BLM: variants seen among roughly 807,000 people sequenced by gnomAD.
BLM encodes the protein recQ-like DNA helicase BLM.
A neutral mutation model predicts 135.3 loss-of-function variants in BLM; 95 were observed. That is an observed-to-expected ratio of 0.70 (90% CI 0.59 to 0.83). The LOEUF (loss-of-function observed/expected upper bound fraction) is 0.83, where lower values mean the gene tolerates loss of function less well. BLM is among the 40% of genes least tolerant of loss of function. The pLI is 0.00. For synonymous variants in BLM, 520 were observed against 589.2 expected (o/e 0.88, Z 1.70); for missense variants, 1,518 against 1,663.9 (o/e 0.91, Z 1.53).
chr15:90,746,175 T>C (rs6496722), intron 1 of BLM, among the ~76,000 whole-genome samples: 44,858 of 152,106 alleles, frequency 0.29, 8,188 homozygotes, highest in African/African-American at 0.52. Context: ...ACTTCCAAAA[T>C]GGTGGAGTAA....
intron 1 of BLM, among the ~76,000 whole-genome samples, chr15:90,737,727 T>C (rs1335593076): frequency 6.6e-6 from 1 of 151,620 alleles, no homozygotes; most frequent in Non-Finnish European, 1.5e-5. Context: ...AAAAGAAAGA[T>C]CTGAAATCAA....
At chr15:90,746,951 G>A (rs1895516779) in intron 1 of BLM, among the ~76,000 whole-genome samples, 2 of 152,056 alleles carry the variant, frequency 1.3e-5, no homozygotes, top group South Asian at 4.1e-4. Flanking sequence ...TTCTGCCCTT[G>A]TGCAGAATTC....
rs76568525 is a variant in BLM, at chr15:90,786,352, G to A, written c.2823+1271G>A. On this transcript the variant is annotated intron_variant, in intron 14 of 21. Transcript: ENST00000355112. ...AGCATTCACGTACAAGTTTTTCCACGGACATATGTTTTCAGTTCTCTTGGG... is the reference window on the plus strand; with the variant it reads ...AGCATTCACGTACAAGTTTTTCCACAGACATATGTTTTCAGTTCTCTTGGG... 4.8e-3 allele frequency among the ~76,000 whole-genome samples: 730 copies of A among 152,092 alleles called. 7 individuals carry two copies. Among genetic ancestry groups the A allele is most frequent in the African/African-American group, 0.017 (686 of 41,486 alleles).
chr15:90,811,441 C>G (rs1416910011), intron 21 of BLM, 35 bp downstream of exon 21: 1 of 1,604,794 alleles, frequency 6.2e-7, no homozygotes, highest in Non-Finnish European at 8.5e-7. Context: ...ATATAGGGAA[C>G]AAGGGAAGAA....
At chr15:90,783,553 T>C (rs1382857506) in intron 13 of BLM, among the ~76,000 whole-genome samples, 1 of 152,154 alleles carries the variant, frequency 6.6e-6, no homozygotes, top group African/African-American at 2.4e-5. Flanking sequence ...TCTTTTAATT[T>C]CCATTTCTAA....
chr15:90,813,149 C>T (rs1351529269), intron 21 of BLM, among the ~76,000 whole-genome samples: 9 of 152,226 alleles, frequency 5.9e-5, no homozygotes, highest in Admixed American at 5.2e-4. Context: ...AGCACGTTCA[C>T]TTCTGCATGT....
rs773191013 is a variant in BLM, at chr15:90,760,050, C to G, written c.1088-97C>G. On this transcript the variant is annotated intron_variant, in intron 5 of 21. Transcript: ENST00000355112. ...AGCAATCCTCCTGCCTTGGCCTCCC[C>G]AAAGGGCTGGGATTACAGTCATGAG... 3.1e-6 allele frequency: 4 copies of G among 1,288,132 alleles called. No individual in the cohort carries two copies. In the African/African-American group the frequency reaches 4.5e-5, roughly 14 times the overall value. The allele number at this position is 1,288,132 out of a possible 1,614,324, so 79.8% of individuals were successfully genotyped here.
Position 90,815,010 on chromosome 15 carries a change from A to T in BLM, c.4077-92A>T. 1 of 1,300,998 alleles carries T rather than the reference A, an allele frequency of 7.7e-7. No individual in the cohort carries two copies. Among genetic ancestry groups the T allele is most frequent in the South Asian group, 1.2e-5 (1 of 82,658 alleles). 80.6% of individuals were successfully genotyped at this position (1,300,998 alleles called of 1,614,324 possible). A position where few individuals can be genotyped will look rare whatever the true frequency, so the allele number is the denominator to read the frequency against. ...GCACAAGGACACATTAGGCCCAGGG[A>T]AGTGGTATTGTAGCTCTGTGCAGGT... On this transcript the variant is annotated intron_variant, in intron 21 of 21. Coordinates refer to ENST00000355112, the MANE Select transcript of BLM (RefSeq NM_000057.4). The surrounding 1 kb of genome is among the most constrained non-coding windows in gnomAD (Gnocchi z 4.6).
chr15:90,807,933 A>G (rs1171963289), intron 19 of BLM, among the ~76,000 whole-genome samples: 1 of 152,204 alleles, frequency 6.6e-6, no homozygotes, highest in Non-Finnish European at 1.5e-5. Flanking sequence ...ACCGCAAGGC[A>G]GCTGCCATTT....
intron 1 of BLM, among the ~76,000 whole-genome samples, chr15:90,744,614 C>T (rs1895451178): frequency 6.6e-6 from 1 of 152,112 alleles, no homozygotes. Context: ...TCATGATCCG[C>T]CCACCTCGGC....
chr15:90,740,006 C>G (rs1461543436), intron 1 of BLM, among the ~76,000 whole-genome samples: 3 of 152,142 alleles, frequency 2.0e-5, no homozygotes, highest in African/African-American at 4.8e-5. Context: ...CTCAAGCGAT[C>G]CCCCCGCCTC....
rs28385001 is a variant in BLM at position 90,754,331 on chromosome 15, C to T, written c.960-480C>T. Among the ~76,000 whole-genome samples, 13 of 152,210 alleles carry T rather than the reference C, an allele frequency of 8.5e-5. No individual in the cohort carries two copies. The East Asian group carries it at 2.5e-3, about 29-fold the overall frequency. ...AATTATATATGCAGACACACAAAAA[C>T]ACATGTACATATATTTGCATAATAA... On this transcript the variant is annotated intron_variant, in intron 4 of 21. Coordinates refer to ENST00000355112, the MANE Select transcript of BLM (RefSeq NM_000057.4).
chr15:90,793,166 G>A (rs995936741), intron 15 of BLM, among the ~76,000 whole-genome samples: 6 of 148,166 alleles, frequency 4.0e-5, no homozygotes, highest in African/African-American at 1.0e-4. Flanking sequence ...ACGGAGTTGC[G>A]CTTTTGTCAC....
Position 90,749,765 on chromosome 15 carries a change from C to T in BLM, c.497C>T (p.Ser166Leu), listed in dbSNP as rs896357448. ...DMDDFDTSET[S>L]KSFVTPPQSH... Reference sequence around the variant, plus strand: ...GATGACTTTGATACTTCTGAGACTTCAAAATCATTTGTTACACCACCCCAA... The same window carrying T: ...GATGACTTTGATACTTCTGAGACTTTAAAATCATTTGTTACACCACCCCAA... The change falls in exon 3 of 22, where the codon TCA becomes TTA. Residue 166 changes from serine (S) to leucine (L), a missense_variant. Transcript: ENST00000355112. 1.9e-6 allele frequency: 3 copies of T among 1,613,022 alleles called. No homozygotes were observed. Among genetic ancestry groups the T allele is most frequent in the Non-Finnish European group, 2.5e-6 (3 of 1,179,402 alleles).
chr15:90,770,412 G>A (rs939544567), intron 12 of BLM, among the ~76,000 whole-genome samples: 3 of 152,108 alleles, frequency 2.0e-5, no homozygotes, highest in African/African-American at 4.8e-5. Flanking sequence ...TCCTGACCTC[G>A]TGATCCGCCC....
chr15:90,808,893 C>G, intron 19 of BLM: 1 of 564,588 alleles, frequency 1.8e-6, no homozygotes, highest in Non-Finnish European at 3.2e-6. Flanking sequence ...TCCTCCTGCC[C>G]TGGCTCTTGC....
At chr15:90,765,211 T>G in intron 8 of BLM, 85 bp from the exon 9 acceptor site, 1 of 1,098,986 alleles carries the variant, frequency 9.1e-7, no homozygotes, top group Non-Finnish European at 1.4e-6. Context: ...TGGTGTCCTA[T>G]TAATGATATG....
At chr15:90,811,525 G>C (rs1353812594) in intron 21 of BLM, 119 bp downstream of exon 21, 1 of 1,124,664 alleles carries the variant, frequency 8.9e-7, no homozygotes, top group African/African-American at 1.6e-5. Flanking sequence ...TATTGCTAAT[G>C]GAATGACAGT....
chr15:90,767,867 C>A (rs1346237119), intron 10 of BLM, among the ~76,000 whole-genome samples: 1 of 151,974 alleles, frequency 6.6e-6, no homozygotes, highest in Non-Finnish European at 1.5e-5. Flanking sequence ...TCAGTTATTA[C>A]TATGATAGAT....
Sources: gnomAD v4.1 joint callset for allele counts (sites outside exome capture counted in the v4.1 genomes callset) on GRCh38, gnomAD v4.1.1 for gene constraint, Gnocchi (gnomAD v3.1) non-coding constraint, MANE v1.5 for transcripts, NCBI Gene and HGNC (gene_info 2026-07-23, HGNC 2026-07-21) for gene names.